KALRN: variants seen among roughly 807,000 people sequenced by gnomAD.
KALRN encodes the protein kalirin.
In KALRN, 70 loss-of-function variants were observed where a neutral mutation model predicts 353.7. That is an observed-to-expected ratio of 0.20 (90% CI 0.16 to 0.24). KALRN has a LOEUF of 0.24. Among genes scored for constraint, KALRN ranks in the 10% least tolerant of loss-of-function variants. KALRN has a pLI of 1.00. For missense variants in KALRN, 2,791 were observed against 3,756.7 expected, an observed-to-expected ratio of 0.74 and a Z score of 6.72; for synonymous variants, 1,391 against 1,434.8, an observed-to-expected ratio of 0.97 and a Z score of 0.69.
chr3:124,233,946 G>A (rs993037037), intron 2 of KALRN, among the ~76,000 whole-genome samples: 10 of 152,092 alleles, frequency 6.6e-5, no homozygotes, highest in African/African-American at 2.4e-4. Flanking sequence ...GAGAAACTTG[G>A]TTCCACTTCC....
intron 1 of KALRN, among the ~76,000 whole-genome samples, chr3:124,089,146 T>C (rs2060972609): frequency 6.6e-6 from 1 of 152,250 alleles, no homozygotes; most frequent in Non-Finnish European, 1.5e-5. Context: ...TATTTGACAA[T>C]ACAGGGGTTT....
At chr3:124,592,867 C>G (rs2075939255) in intron 34 of KALRN, among the ~76,000 whole-genome samples, 1 of 152,220 alleles carries the variant, frequency 6.6e-6, no homozygotes, top group Non-Finnish European at 1.5e-5. Flanking sequence ...CAGCTTTTGC[C>G]AAGTGAAAGA....
chr3:124,365,922 T>C (rs2084631022), intron 10 of KALRN, among the ~76,000 whole-genome samples: 1 of 152,248 alleles, frequency 6.6e-6, no homozygotes, highest in Admixed American at 6.5e-5. Flanking sequence ...TTAAGTACTT[T>C]CAAATTTGAC....
chr3:124,697,500 C>T, intron 54 of KALRN, 93 bp from the exon 55 acceptor site: 3 of 1,286,500 alleles, frequency 2.3e-6, no homozygotes, highest in Non-Finnish European at 3.1e-6. Context: ...ATTGTGACAT[C>T]GGTTAGGTAA....
At chr3:124,575,105 G>C (rs2073959480) in intron 34 of KALRN, among the ~76,000 whole-genome samples, 1 of 152,242 alleles carries the variant, frequency 6.6e-6, no homozygotes, top group Non-Finnish European at 1.5e-5. Context: ...CCAGCCCTCT[G>C]CCCTATGGGC....
chr3:124,203,717 G>A (rs757734641), intron 1 of KALRN, among the ~76,000 whole-genome samples: 4 of 152,170 alleles, frequency 2.6e-5, no homozygotes, highest in Non-Finnish European at 5.9e-5. Context: ...TACCAATTCA[G>A]GAGTCTTCCC....
chr3:124,311,399 G>A (rs2078257680), intron 6 of KALRN, among the ~76,000 whole-genome samples: 1 of 151,196 alleles, frequency 6.6e-6, no homozygotes, highest in African/African-American at 2.4e-5. Flanking sequence ...GGAGGCAGAG[G>A]TTGCAGTGAG....
At chr3:124,156,231 G>A (rs889318534) in intron 1 of KALRN, among the ~76,000 whole-genome samples, 2 of 152,170 alleles carry the variant, frequency 1.3e-5, no homozygotes. Flanking sequence ...GGGCTGACCC[G>A]AAAGTCTTGG....
intron 34 of KALRN, among the ~76,000 whole-genome samples, chr3:124,594,644 T>C (rs981916179): frequency 1.3e-5 from 2 of 151,954 alleles, no homozygotes; most frequent in Non-Finnish European, 2.9e-5. Flanking sequence ...CTGGGAAGAG[T>C]CCTGGGTTAA....
At chr3:124,350,684 C>T (rs1439686699) in intron 10 of KALRN, among the ~76,000 whole-genome samples, 1 of 152,138 alleles carries the variant, frequency 6.6e-6, no homozygotes, top group Non-Finnish European at 1.5e-5. Context: ...TTCCTCTGGC[C>T]CTTCCAATGA....
chr3:124,660,299 A>G (rs1316206664), intron 43 of KALRN, among the ~76,000 whole-genome samples: 1 of 152,194 alleles, frequency 6.6e-6, no homozygotes, highest in Non-Finnish European at 1.5e-5. Context: ...AATAGAAAAG[A>G]GAGACTTAAC....
chr3:124,290,141 A>G (rs746272211), intron 5 of KALRN, among the ~76,000 whole-genome samples: 1 of 152,148 alleles, frequency 6.6e-6, no homozygotes, highest in Non-Finnish European at 1.5e-5. Flanking sequence ...AAGGAAGAAA[A>G]TTCAAGTATG....
intron 1 of KALRN, among the ~76,000 whole-genome samples, chr3:124,063,807 G>A (rs1172478902): frequency 6.6e-6 from 1 of 152,110 alleles, no homozygotes; most frequent in African/African-American, 2.4e-5. Flanking sequence ...AGCATGTCTC[G>A]AGGGTGTTCC....
intron 9 of KALRN, among the ~76,000 whole-genome samples, chr3:124,336,824 G>A (rs2081180596): frequency 6.6e-6 from 1 of 152,080 alleles, no homozygotes; most frequent in African/African-American, 2.4e-5. Context: ...CTTCTGCAGT[G>A]GTTTGTAGTT....
intron 13 of KALRN, among the ~76,000 whole-genome samples, chr3:124,412,927 C>T (rs1206767639): frequency 6.6e-6 from 1 of 152,188 alleles, no homozygotes; most frequent in African/African-American, 2.4e-5. Context: ...TTGGGCCATT[C>T]ACCAGGTTTT....
At chr3:124,462,005 C>T in intron 24 of KALRN, 49 bp downstream of exon 24, 1 of 1,389,542 alleles carries the variant, frequency 7.2e-7, no homozygotes, top group Non-Finnish European at 1.0e-6. Flanking sequence ...AAATGACATC[C>T]TTGCCAGCAT....
intron 1 of KALRN, among the ~76,000 whole-genome samples, chr3:124,206,466 AAG>A (rs2076422455): frequency 6.6e-6 from 1 of 152,220 alleles, no homozygotes; most frequent in Non-Finnish European, 1.5e-5. Context: ...TGTGCTTCAG[AAG>A]AGAGAATGAG....
chr3:124,218,679 T>A (rs1054687722), intron 1 of KALRN, among the ~76,000 whole-genome samples: 1 of 152,198 alleles, frequency 6.6e-6, no homozygotes, highest in Non-Finnish European at 1.5e-5. Context: ...CTTGTGTCTG[T>A]GCTATACTCA....
chr3:124,397,498 C>T (rs2090310363), intron 12 of KALRN, among the ~76,000 whole-genome samples: 1 of 152,156 alleles, frequency 6.6e-6, no homozygotes, highest in African/African-American at 2.4e-5. Context: ...ATGATTTTCC[C>T]CTTGTCCTTT....
Sources: gnomAD v4.1 joint callset for allele counts (sites outside exome capture counted in the v4.1 genomes callset) on GRCh38, gnomAD v4.1.1 for gene constraint, MANE v1.5 for transcripts, NCBI Gene and HGNC (gene_info 2026-07-23, HGNC 2026-07-21) for gene names.